ZNF732: variants seen among roughly 807,000 people sequenced by gnomAD.
ZNF732 encodes the protein zinc finger protein 732, also known as zinc finger protein LOC654254.
A neutral mutation model predicts 11.5 loss-of-function variants in ZNF732; 12 were observed. The observed-to-expected ratio is 1.05, with a 90% confidence interval of 0.67 to 1.70. The LOEUF (loss-of-function observed/expected upper bound fraction) is 1.70, where lower values mean the gene tolerates loss of function less well. Ranked by LOEUF, ZNF732 falls within the 40% of genes most tolerant of loss-of-function variation. ZNF732 has a pLI of 0.00. For missense variants in ZNF732, 702 were observed against 676.9 expected, an observed-to-expected ratio of 1.04 and a Z score of -0.41; for synonymous variants, 231 against 236.5, an observed-to-expected ratio of 0.98 and a Z score of 0.21.
At chr4:295,231 G>A (rs1553842034) in intron 3 of ZNF732, among the ~76,000 whole-genome samples, 1 of 152,120 alleles carries the variant, frequency 6.6e-6, no homozygotes, top group African/African-American at 2.4e-5. Context: ...AAACTTGAAG[G>A]GAGATCACTA....
chr4:277,423 AC>A (rs2108653159), intron 3 of ZNF732, among the ~76,000 whole-genome samples: 1 of 152,212 alleles, frequency 6.6e-6, no homozygotes, highest in South Asian at 2.1e-4. Context: ...AACAAACTTA[AC>A]AAAAATAACA....
Position 299,418 on chromosome 4 carries a change from CAT to C in ZNF732, c.4-3265_4-3264del, listed in dbSNP as rs1159617799. Among the ~76,000 whole-genome samples, 141 of 83,490 alleles carry C rather than the reference CAT, an allele frequency of 1.7e-3. 6 individuals are homozygous for C. Among genetic ancestry groups the C allele is most frequent in the Admixed American group, 3.4e-3 (23 of 6,708 alleles). The allele number at this position is 83,490 out of a possible 152,430, so 54.8% of individuals were successfully genotyped here. A position where few individuals can be genotyped will look rare whatever the true frequency, so the allele number is the denominator to read the frequency against. On this transcript the variant is annotated intron_variant, in intron 1 of 3. Transcript: ENST00000419098. Reference sequence around the variant, plus strand: ...ACACATATGTGTATATATATATACACATATATACACATATGTGTATATATATA... The same window carrying C: ...ACACATATGTGTATATATATATACACATATACACATATGTGTATATATATA...
At chr4:281,375 G>A (rs1370722658) in intron 3 of ZNF732, among the ~76,000 whole-genome samples, 5 of 152,336 alleles carry the variant, frequency 3.3e-5, no homozygotes, top group East Asian at 3.9e-4. Flanking sequence ...CTAGGAACCT[G>A]TCCAATGACT....
chr4:304,125 C>T (rs1210105445), intron 1 of ZNF732, among the ~76,000 whole-genome samples: 1 of 152,086 alleles, frequency 6.6e-6, no homozygotes, highest in Non-Finnish European at 1.5e-5. Flanking sequence ...GCAGAATACC[C>T]TAGGAGCAAA....
intron 1 of ZNF732, among the ~76,000 whole-genome samples, chr4:300,356 A>T (rs551639783): frequency 6.7e-6 from 1 of 149,626 alleles, no homozygotes; most frequent in Non-Finnish European, 1.5e-5. Flanking sequence ...CCAGCTACTC[A>T]GGAGGCTGAG....
chr4:276,953 T>TAAAAAC (rs113777886), intron 3 of ZNF732, among the ~76,000 whole-genome samples: 9,298 of 151,796 alleles, frequency 0.061, 472 homozygotes, highest in African/African-American at 0.14. Flanking sequence ...GATAATGACA[T>TAAAAAC]AGACAGATCA....
chr4:299,412 T>C (rs1291161802), intron 1 of ZNF732, among the ~76,000 whole-genome samples: 49 of 94,778 alleles, frequency 5.2e-4, no homozygotes, highest in African/African-American at 1.7e-3. Context: ...TGTATATATA[T>C]ATACACATAT....
rs1158630816 is a variant in ZNF732, at chr4:299,534, CAT to C, written c.4-3381_4-3380del. On this transcript the variant is annotated intron_variant, in intron 1 of 3. Coordinates refer to ENST00000419098, the MANE Select transcript of ZNF732 (RefSeq NM_001137608.3). ...ATATACGTATATATGTGTATATATA[CAT>C]ATATACACATATATATGTATATATA... is the stretch of plus-strand genomic sequence containing the variant. 2.6e-4 allele frequency among the ~76,000 whole-genome samples: 31 copies of C among 117,284 alleles called. 1 individual carries two copies. The South Asian group carries it at 6.8e-3, about 26-fold the overall frequency. The allele number at this position is 117,284 out of a possible 152,430, so 76.9% of individuals were successfully genotyped here.
chr4:273,187 C>CT (rs1336781716), intron 3 of ZNF732, among the ~76,000 whole-genome samples: 1 of 151,946 alleles, frequency 6.6e-6, no homozygotes, highest in Non-Finnish European at 1.5e-5. Flanking sequence ...ATTAAAGACT[C>CT]TTAAGAGGAA....
At chr4:304,163 A>G (rs1437422331) in intron 1 of ZNF732, among the ~76,000 whole-genome samples, 7 of 152,154 alleles carry the variant, frequency 4.6e-5, no homozygotes, top group African/African-American at 1.7e-4. Flanking sequence ...TCCTGAGGGT[A>G]GAACCCTGTC....
intron 3 of ZNF732, among the ~76,000 whole-genome samples, chr4:284,710 A>G (rs1719691181): frequency 6.6e-6 from 1 of 151,738 alleles, no homozygotes; most frequent in South Asian, 2.1e-4. Flanking sequence ...GTCTCTACTA[A>G]AAATACAAAA....
rs781876637 is a variant in ZNF732 at position 272,250 on chromosome 4, C to G, written c.607G>C (p.Asp203His). 9 of 1,612,644 alleles carry G rather than the reference C, an allele frequency of 5.6e-6. No homozygotes were observed. In the East Asian group the frequency reaches 2.0e-4, roughly 36 times the overall value. ...KPYTCEECGK[D>H]FKWYLIFNEY... ...TTAAAGATTAAATACCATTTAAAGT[C>G]TTTGCCACATTCTTCACATGTGTAG... Residue 203 changes from aspartate (D) to histidine (H), a missense_variant, in exon 4 of 4, where the codon GAC becomes CAC. By Grantham distance (81) the Asp-to-His change is moderately conservative (BLOSUM62 -1). Coordinates refer to ENST00000419098, the MANE Select transcript of ZNF732 (RefSeq NM_001137608.3).
At position 298,417 on chromosome 4, in the gene ZNF732, CA is replaced by C. The variant is rs202047871; in HGVS notation, c.4-2263del. 4.6e-3 allele frequency among the ~76,000 whole-genome samples: 674 copies of C among 146,076 alleles called. 1 individual carries two copies. The highest frequency in any genetic ancestry group is 0.016 in the African/African-American group (618 of 39,742). The stretch of plus-strand genomic sequence containing the variant: ...TGAGTCTCCGGATCTCACTTTTCAC[CA>C]AAAAAAAAAACTAGAAACCTGGAGC... On this transcript the variant is annotated intron_variant, in intron 1 of 3. Transcript: ENST00000419098.
chr4:305,323 G>C lies in ZNF732; in HGVS notation c.-13C>G, dbSNP rs781932649. On this transcript the variant is annotated 5_prime_UTR_variant, in exon 1 of 4. Coordinates refer to ENST00000419098, the MANE Select transcript of ZNF732 (RefSeq NM_001137608.3). ...CCACACTCACCATTTCCCCACTTCA[G>C]GGGTGTAGCGGAGTCTCAGCTACGA... 7 of 1,607,864 alleles carry C rather than the reference G, an allele frequency of 4.4e-6. No homozygotes were observed. The Admixed American group carries it at 8.3e-5, about 19-fold the overall frequency.
At chr4:299,461 GTA>G (rs61392588) in intron 1 of ZNF732, among the ~76,000 whole-genome samples, 880 of 83,518 alleles carry the variant, frequency 0.011, 76 homozygotes, top group African/African-American at 0.022. Flanking sequence ...ACACATATGT[GTA>G]TATATATATA....
chr4:289,807 T>C (rs1398792417), intron 3 of ZNF732, among the ~76,000 whole-genome samples: 2 of 152,156 alleles, frequency 1.3e-5, no homozygotes, highest in African/African-American at 4.8e-5. Context: ...TACTAAACGA[T>C]TCATGAGAAG....
rs1466767637 is a variant in ZNF732, at chr4:274,137, A to G, written c.227-1507T>C. Among the ~76,000 whole-genome samples the G allele has an allele frequency of 2.0e-5, 3 of 151,788 alleles. No individual in the cohort carries two copies. In the East Asian group the frequency reaches 5.8e-4, roughly 29 times the overall value. On this transcript the variant is annotated intron_variant, in intron 3 of 3. Transcript: ENST00000419098. ...GTACCACTATCATATTACAGAAAAT[A>G]TTGTAATTATTCTCTAAAATTTTAA...
rs149655631 is a variant in ZNF732, at chr4:300,823, G to C, written c.3+4485C>G. Among the ~76,000 whole-genome samples the C allele has an allele frequency of 1.2e-3, 185 of 152,242 alleles. No individual in the cohort carries two copies. In the East Asian group the frequency reaches 0.026, roughly 22 times the overall value. On this transcript the variant is annotated intron_variant, in intron 1 of 3. Transcript: ENST00000419098. ...ACATAGGCATGGGCAAGGACTTCAC[G>C]TCTAAAACACCAAAAGCAATGGCAA...
chr4:290,091 T>C (rs1236785205), intron 3 of ZNF732, among the ~76,000 whole-genome samples: 1 of 152,200 alleles, frequency 6.6e-6, no homozygotes, highest in Non-Finnish European at 1.5e-5. Context: ...AATAAAACAC[T>C]AACGAAGTGA....
Sources: allele counts gnomAD v4.1 joint callset (sites outside exome capture counted in the v4.1 genomes callset), GRCh38; gene constraint gnomAD v4.1.1; transcripts MANE v1.5; gene names NCBI Gene and HGNC (gene_info 2026-07-23, HGNC 2026-07-21).